The following ADGRB3 variants were observed in gnomAD, a reference collection of about 807,000 sequenced individuals.
ADGRB3 encodes the protein adhesion G protein-coupled receptor B3, also known as brain-specific angiogenesis inhibitor 3.
A neutral mutation model predicts 193.4 loss-of-function variants in ADGRB3; 37 were observed. The ratio of observed to expected loss-of-function variants is 0.19; its 90% CI spans 0.15 to 0.25. The LOEUF is 0.25. Ranked by LOEUF, ADGRB3 falls within the 10% of genes least tolerant of loss-of-function variation. The probability of loss-of-function intolerance (pLI) is 1.00; values close to 1 mark genes in which losing one functional copy is unlikely to be tolerated. For synonymous variants in ADGRB3, 690 were observed against 644.2 expected, an observed-to-expected ratio of 1.07 and a Z score of -1.08; for missense variants, 1,637 against 1,852.9, an observed-to-expected ratio of 0.88 and a Z score of 2.14.
chr6:69,315,803 AAAT>A (rs940956737), intron 20 of ADGRB3, among the ~76,000 whole-genome samples: 2 of 151,458 alleles, frequency 1.3e-5, no homozygotes, highest in African/African-American at 4.8e-5. Flanking sequence ...TTATCTAAAC[AAAT>A]AATAATTGCT....
intron 3 of ADGRB3, among the ~76,000 whole-genome samples, chr6:68,886,672 ATAAT>A (rs1391451806): frequency 1.3e-5 from 2 of 152,220 alleles, no homozygotes; most frequent in Admixed American, 1.3e-4. Context: ...AAGAGCAAAA[ATAAT>A]TAGATTAAGA....
chr6:69,361,149 T>C lies in ADGRB3; in HGVS notation c.3876T>C (p.Ala1292=), dbSNP rs200359805. 542 of 1,612,752 alleles carry C rather than the reference T, an allele frequency of 3.4e-4. No individual in the cohort carries two copies. The highest frequency in any genetic ancestry group is 4.0e-4 in the Non-Finnish European group (475 of 1,179,300). The part of the protein sequence containing the change: ...YLCTDDNLRG[A]DMDIVHPQER... ...GTACGGATGATAATTTGAGAGGGGC[T>C]GACATGGACATAGTCCATCCTCAAG... Residue 1292 remains alanine (A), a synonymous_variant, in exon 29 of 32, where the codon GCT becomes GCC. Coordinates refer to ENST00000370598, the MANE Select transcript of ADGRB3 (RefSeq NM_001704.3).
At chr6:69,029,834 A>T (rs980808538) in intron 13 of ADGRB3, among the ~76,000 whole-genome samples, 4 of 152,052 alleles carry the variant, frequency 2.6e-5, no homozygotes, top group Non-Finnish European at 5.9e-5. Context: ...CTTACATGTT[A>T]ACACATAGAA....
chr6:68,678,322 A>AC (rs1478765444), intron 3 of ADGRB3, among the ~76,000 whole-genome samples: 1 of 152,212 alleles, frequency 6.6e-6, no homozygotes, highest in African/African-American at 2.4e-5. Context: ...GTCTATACTG[A>AC]CCACAGTGGC....
intron 3 of ADGRB3, among the ~76,000 whole-genome samples, chr6:68,825,419 T>A (rs144662056): frequency 4.5e-4 from 68 of 152,336 alleles, no homozygotes; most frequent in African/African-American, 1.6e-3. Flanking sequence ...ATAAACAGAA[T>A]TTTCATTTAT....
chr6:69,166,616 G>T (rs1775137369), intron 17 of ADGRB3, among the ~76,000 whole-genome samples: 1 of 151,982 alleles, frequency 6.6e-6, no homozygotes, highest in Admixed American at 6.6e-5. Context: ...GAGCTGTGGG[G>T]GTTAATGAGA....
chr6:68,702,104 G>A (rs1173918716), intron 3 of ADGRB3, among the ~76,000 whole-genome samples: 1 of 152,022 alleles, frequency 6.6e-6, no homozygotes, highest in Non-Finnish European at 1.5e-5. Context: ...AGCCCTACAG[G>A]AAGTATAGCA....
At chr6:69,243,284 A>C (rs1766422103) in intron 20 of ADGRB3, among the ~76,000 whole-genome samples, 1 of 151,980 alleles carries the variant, frequency 6.6e-6, no homozygotes. Flanking sequence ...CCTCATTAGC[A>C]AATCAGGAAC....
intron 18 of ADGRB3, among the ~76,000 whole-genome samples, chr6:69,234,261 T>A (rs1024669761): frequency 9.2e-5 from 14 of 152,160 alleles, no homozygotes; most frequent in African/African-American, 3.4e-4. Context: ...ATTTAATTAA[T>A]TAACGTCATG....
chr6:68,975,186 T>G, intron 9 of ADGRB3, 48 bp from the exon 10 acceptor site: 1 of 1,515,672 alleles, frequency 6.6e-7, no homozygotes, highest in South Asian at 1.1e-5. Context: ...TGTGATGCCT[T>G]CAAACATCCC....
Position 68,801,454 on chromosome 6 carries a change from G to A in ADGRB3, c.758-129105G>A, listed in dbSNP as rs138219857. Reference sequence around the variant, plus strand: ...TGTAATCCCAGCACTATGGGAGGCCGAGGTGGGCAGATCACTTGAGGTCAG... The same window carrying A: ...TGTAATCCCAGCACTATGGGAGGCCAAGGTGGGCAGATCACTTGAGGTCAG... On this transcript the variant is annotated intron_variant, in intron 3 of 31. Transcript: ENST00000370598. 2.5e-3 allele frequency among the ~76,000 whole-genome samples: 387 copies of A among 152,218 alleles called. 1 individual carries two copies. Among genetic ancestry groups the A allele is most frequent in the African/African-American group, 8.9e-3 (368 of 41,548 alleles).
In ADGRB3 at chr6:69,354,257, T is replaced by G; in HGVS notation, c.3484T>G (p.Leu1162Val). The G allele has an allele frequency of 6.2e-7, 1 of 1,613,988 alleles. No individual in the cohort carries two copies. Among genetic ancestry groups the G allele is most frequent in the Non-Finnish European group, 8.5e-7 (1 of 1,179,938 alleles). Residue 1162 changes from leucine (L) to valine (V), a missense_variant, in exon 27 of 32, where the codon TTG (leucine) becomes GTG (valine). This residue lies in a region of ADGRB3 where 116 missense variants were observed against 168.1 expected (regional missense o/e 0.69). Transcript: ENST00000370598. Reference sequence around the variant, plus strand: ...GGTTCAGGATGCATTTAGATGCCGATTGAGAAACTGTCAGGATCCCATCAA... The same window carrying G: ...GGTTCAGGATGCATTTAGATGCCGAGTGAGAAACTGTCAGGATCCCATCAA... ...REVQDAFRCR[L>V]RNCQDPINAD...
At chr6:69,065,124 T>C (rs1582434212) in intron 16 of ADGRB3, among the ~76,000 whole-genome samples, 1 of 152,156 alleles carries the variant, frequency 6.6e-6, no homozygotes, top group East Asian at 1.9e-4. Context: ...CTTTCAGTAT[T>C]TTGAGTAAGT....
At chr6:69,049,174 G>A (rs1291076082) in intron 14 of ADGRB3, 97 bp from the exon 15 acceptor site, 2 of 844,430 alleles carry the variant, frequency 2.4e-6, no homozygotes, top group South Asian at 1.6e-5. Context: ...TTTGCCTAAG[G>A]AAGTACTGGA....
chr6:69,329,424 A>G (rs964568677), intron 22 of ADGRB3, among the ~76,000 whole-genome samples: 20 of 152,344 alleles, frequency 1.3e-4, no homozygotes, highest in East Asian at 1.9e-4. Context: ...GTGTACATAT[A>G]TAATTACCTT....
chr6:69,045,176 G>T (rs1480951738), intron 13 of ADGRB3, among the ~76,000 whole-genome samples: 2 of 152,098 alleles, frequency 1.3e-5, no homozygotes, highest in African/African-American at 4.8e-5. Context: ...GAAGGAAAGG[G>T]ATTGAAGGTC....
At chr6:68,795,908 A>G (rs750835232) in intron 3 of ADGRB3, among the ~76,000 whole-genome samples, 1 of 152,106 alleles carries the variant, frequency 6.6e-6, no homozygotes, top group Non-Finnish European at 1.5e-5. Flanking sequence ...CAGACTTCAT[A>G]CTTACTGTGT....
chr6:68,731,609 C>T (rs1765777441), intron 3 of ADGRB3, among the ~76,000 whole-genome samples: 1 of 151,404 alleles, frequency 6.6e-6, no homozygotes, highest in South Asian at 2.1e-4. Flanking sequence ...GGTCAAGCTC[C>T]TGTTTTATAC....
intron 17 of ADGRB3, among the ~76,000 whole-genome samples, chr6:69,209,724 A>G (rs1765614496): frequency 1.3e-5 from 2 of 152,234 alleles, no homozygotes; most frequent in Non-Finnish European, 2.9e-5. Context: ...ATGGAGAAAT[A>G]GGCATTTGCC....
Sources: gnomAD v4.1 joint callset for allele counts (sites outside exome capture counted in the v4.1 genomes callset) on GRCh38, gnomAD v4.1.1 for gene constraint, gnomAD v4.1.1 regional missense constraint, MANE v1.5 for transcripts, NCBI Gene and HGNC (gene_info 2026-07-23, HGNC 2026-07-21) for gene names.